Variants in TAF2 observed in about 807,000 individuals in gnomAD.
TAF2 encodes the protein transcription initiation factor TFIID subunit 2.
TAF2 carries 61 observed loss-of-function variants against 138.5 expected under a neutral mutation model. That is an observed-to-expected ratio of 0.44 (90% CI 0.36 to 0.54). The LOEUF is 0.54. TAF2 is among the 20% of genes least tolerant of loss of function. The pLI, the probability that TAF2 is intolerant of heterozygous loss-of-function variation, is 0.00. For synonymous variants in TAF2, 475 were observed against 469.9 expected, an observed-to-expected ratio of 1.01 and a Z score of -0.14; for missense variants, 1,090 against 1,427.9, an observed-to-expected ratio of 0.76 and a Z score of 3.81.
intron 23 of TAF2, chr8:119,744,980 T>G (rs1206087112): frequency 2.2e-6 from 1 of 456,092 alleles, no homozygotes; most frequent in African/African-American, 2.0e-5. Context: ...TCCTCTTCAC[T>G]CCCTGCTGAT....
chr8:119,774,357 A>C (rs1461553727), intron 18 of TAF2, among the ~76,000 whole-genome samples: 5 of 152,150 alleles, frequency 3.3e-5, no homozygotes, highest in Non-Finnish European at 5.9e-5. Context: ...TATTTTATAT[A>C]TTTACTATGA....
chr8:119,741,837 T>G (rs1819618159), intron 25 of TAF2, among the ~76,000 whole-genome samples: 1 of 152,232 alleles, frequency 6.6e-6, no homozygotes, highest in Admixed American at 6.5e-5. Context: ...CACTCCCTGT[T>G]CCTTGAGAAT....
chr8:119,797,052 T>C lies in TAF2; in HGVS notation c.1029A>G (p.Arg343=). ...GGGCCAAGGATTGGGCTAAACACCT[T>C]CTAGTCAAAGGTGTCTCATCTATAA... ...AMIIDETPLT[R]RCLAQSLAQQ... is the part of the protein sequence containing the mutation. Residue 343 remains arginine, a synonymous_variant, in exon 8 of 26, where the codon AGA becomes AGG. Coordinates refer to ENST00000378164, the MANE Select transcript of TAF2 (RefSeq NM_003184.4). 1 of 1,613,318 alleles carries C rather than the reference T, an allele frequency of 6.2e-7. No individual in the cohort carries two copies. The highest frequency in any genetic ancestry group is 1.7e-5 in the Admixed American group (1 of 59,974).
At chr8:119,748,757 C>T (rs1257362344) in intron 22 of TAF2, among the ~76,000 whole-genome samples, 1 of 152,050 alleles carries the variant, frequency 6.6e-6, no homozygotes, top group South Asian at 2.1e-4. Context: ...ATTCCTGGGG[C>T]TTCTATTAGC....
At chr8:119,772,725 T>A (rs1286182152) in intron 18 of TAF2, among the ~76,000 whole-genome samples, 1 of 151,898 alleles carries the variant, frequency 6.6e-6, no homozygotes, top group African/African-American at 2.4e-5. Flanking sequence ...TCACCTGAGG[T>A]CAGGAGTTCG....
At chr8:119,749,663 A>G (rs766545382) in intron 22 of TAF2, among the ~76,000 whole-genome samples, 1 of 152,196 alleles carries the variant, frequency 6.6e-6, no homozygotes, top group Non-Finnish European at 1.5e-5. Context: ...GTTCACTCAG[A>G]TGATCTTTAA....
intron 24 of TAF2, among the ~76,000 whole-genome samples, chr8:119,743,543 A>C (rs896347278): frequency 2.0e-5 from 3 of 152,138 alleles, no homozygotes; most frequent in Non-Finnish European, 2.9e-5. Flanking sequence ...ACTTTTATCA[A>C]AGGCTTTTAT....
intron 16 of TAF2, among the ~76,000 whole-genome samples, chr8:119,781,701 T>G (rs888766963): frequency 2.1e-5 from 3 of 141,860 alleles, no homozygotes; most frequent in Non-Finnish European, 4.6e-5. Context: ...ATTTTTCCTC[T>G]TTTTTTTTTT....
At chr8:119,805,301 T>C (rs1252668519) in intron 4 of TAF2, among the ~76,000 whole-genome samples, 2 of 152,238 alleles carry the variant, frequency 1.3e-5, no homozygotes, top group Admixed American at 6.5e-5. Context: ...ATTACTCTTC[T>C]GTAAAAAGAA....
intron 22 of TAF2, among the ~76,000 whole-genome samples, chr8:119,750,033 T>G (rs1208326290): frequency 6.6e-6 from 1 of 152,180 alleles, no homozygotes; most frequent in South Asian, 2.1e-4. Flanking sequence ...ACCACCAAAG[T>G]AGTAAATCTG....
In TAF2 at chr8:119,756,126, A is replaced by T. The variant is rs756925906; in HGVS notation, c.2769-11T>A. On this transcript the variant is annotated splice_polypyrimidine_tract_variant and intron_variant, in intron 21 of 25. Coordinates refer to ENST00000378164, the MANE Select transcript of TAF2 (RefSeq NM_003184.4). ...TTGAGAATCTTATGCCTGAAAGATTAAAAAAAATTAAATTTTTGCTGACCT... is the reference window on the plus strand; with the variant it reads ...TTGAGAATCTTATGCCTGAAAGATTTAAAAAAATTAAATTTTTGCTGACCT... The T allele has an allele frequency of 2.4e-5, 38 of 1,591,096 alleles. No homozygotes were observed. The highest frequency in any genetic ancestry group is 3.1e-5 in the Non-Finnish European group (36 of 1,160,874).
intron 14 of TAF2, among the ~76,000 whole-genome samples, chr8:119,786,574 G>C (rs960733592): frequency 1.3e-5 from 2 of 152,090 alleles, no homozygotes; most frequent in African/African-American, 4.8e-5. Context: ...ATACTAACTG[G>C]AAGTAAAATG....
chr8:119,751,338 G>A (rs973997523), intron 22 of TAF2, among the ~76,000 whole-genome samples: 5 of 152,062 alleles, frequency 3.3e-5, no homozygotes, highest in Non-Finnish European at 5.9e-5. Flanking sequence ...AATTCCTGAG[G>A]CCCTTCGCAT....
At chr8:119,760,965 A>G (rs904757362) in intron 19 of TAF2, among the ~76,000 whole-genome samples, 3 of 152,232 alleles carry the variant, frequency 2.0e-5, no homozygotes, top group Non-Finnish European at 4.4e-5. Flanking sequence ...TTATCACTAA[A>G]GAAAAAATAT....
intron 1 of TAF2, among the ~76,000 whole-genome samples, chr8:119,832,159 A>T (rs1425577223): frequency 6.6e-6 from 1 of 151,962 alleles, no homozygotes; most frequent in Non-Finnish European, 1.5e-5. Context: ...TCCGTCTTAA[A>T]AATTAAAAAA....
At chr8:119,796,929 G>C in intron 8 of TAF2, 61 bp downstream of exon 8, 1 of 1,237,680 alleles carries the variant, frequency 8.1e-7, no homozygotes, top group Non-Finnish European at 1.2e-6. Flanking sequence ...TAAATGCAGA[G>C]AAAGAAAAGA....
intron 7 of TAF2, 103 bp from the exon 8 acceptor site, chr8:119,797,206 G>C: frequency 1.2e-6 from 1 of 854,676 alleles, no homozygotes; most frequent in Non-Finnish European, 1.8e-6. Context: ...GCTAAATAGA[G>C]AAAAAATTCT....
At chr8:119,821,375 CCT>C (rs1825798222) in intron 2 of TAF2, among the ~76,000 whole-genome samples, 1 of 152,164 alleles carries the variant, frequency 6.6e-6, no homozygotes, top group African/African-American at 2.4e-5. Flanking sequence ...AAACATTTCC[CCT>C]GTGCTTTTCA....
rs754838328 is a variant in TAF2, at chr8:119,802,014, G to C, written c.572C>G (p.Pro191Arg). Residue 191 changes from proline (P) to arginine (R), a missense_variant, in exon 6 of 26, where the codon CCT becomes CGT. By Grantham distance (103) the Pro-to-Arg change is moderately radical (BLOSUM62 -2). This residue lies in a region of TAF2 where 504 missense variants were observed against 680.9 expected (regional missense o/e 0.74). Coordinates refer to ENST00000378164, the MANE Select transcript of TAF2 (RefSeq NM_003184.4). ...GYQNSTRFWF[P>R]CVDSYSELCT... Reference sequence around the variant, plus strand: ...CAATTCAGAGTATGAATCAACACAAGGGAACCAAAATCTAGAAAAAAGATT... The same window carrying C: ...CAATTCAGAGTATGAATCAACACAACGGAACCAAAATCTAGAAAAAAGATT... 3 of 1,613,362 alleles carry C rather than the reference G, an allele frequency of 1.9e-6. No homozygotes were observed. Among genetic ancestry groups the C allele is most frequent in the Non-Finnish European group, 1.7e-6 (2 of 1,179,682 alleles).
Sources: gnomAD v4.1 joint callset for allele counts (sites outside exome capture counted in the v4.1 genomes callset) on GRCh38, gnomAD v4.1.1 for gene constraint, gnomAD v4.1.1 regional missense constraint, MANE v1.5 for transcripts, NCBI Gene and HGNC (gene_info 2026-07-23, HGNC 2026-07-21) for gene names.